Variants in DNAH17 observed in about 807,000 individuals in gnomAD.
The protein encoded by DNAH17 is axonemal beta dynein heavy chain 17.
DNAH17 carries 376 observed loss-of-function variants against 485.6 expected under a neutral mutation model. That is an observed-to-expected ratio of 0.77 (90% CI 0.71 to 0.84). DNAH17 has a LOEUF of 0.84. Ranked by LOEUF, DNAH17 falls within the 40% of genes least tolerant of loss-of-function variation. The pLI, the probability that DNAH17 is intolerant of heterozygous loss-of-function variation, is 0.00. For missense variants in DNAH17, 6,370 were observed against 5,839.3 expected (o/e 1.09, Z -2.96); for synonymous variants, 3,031 against 2,405.9 (o/e 1.26, Z -7.60).
At chr17:78,508,958 T>C (rs1285915358) in intron 27 of DNAH17, among the ~76,000 whole-genome samples, 2 of 139,112 alleles carry the variant, frequency 1.4e-5, no homozygotes, top group East Asian at 2.1e-4. Flanking sequence ...TGTGTCATCA[T>C]GTGCCCAGCT....
At chr17:78,443,323 C>T (rs2087145344) in intron 71 of DNAH17, among the ~76,000 whole-genome samples, 1 of 152,150 alleles carries the variant, frequency 6.6e-6, no homozygotes, top group Non-Finnish European at 1.5e-5. Context: ...TTTACCTTGG[C>T]CTTTCCCAAA....
intron 38 of DNAH17, among the ~76,000 whole-genome samples, 154 bp from the exon 39 acceptor site, chr17:78,495,251 C>G (rs191357644): frequency 1.3e-5 from 2 of 152,120 alleles, no homozygotes; most frequent in African/African-American, 4.8e-5. Flanking sequence ...GCTCCCAGCC[C>G]GCCTGCTCCC....
At position 78,486,963 on chromosome 17, in the gene DNAH17, C is replaced by G. The variant is rs188775899; in HGVS notation, c.6819-457G>C. ...CATCATCTGGACTCCTGAATCCAGC[C>G]ATGCCTGAAGCACCCCTTGGTGCTT... On this transcript the variant is annotated intron_variant, in intron 44 of 80. Coordinates refer to ENST00000389840, the MANE Select transcript of DNAH17 (RefSeq NM_173628.4). Among the ~76,000 whole-genome samples the G allele has an allele frequency of 8.3e-4, 124 of 149,400 alleles. 2 individuals carry two copies. The highest frequency in any genetic ancestry group is 2.8e-4 in the Non-Finnish European group (19 of 67,746).
intron 50 of DNAH17, 93 bp downstream of exon 50, chr17:78,479,392 T>C: frequency 7.3e-7 from 1 of 1,377,428 alleles, no homozygotes; most frequent in South Asian, 1.5e-5. Context: ...GAATTATAAA[T>C]AAAATATTTA....
intron 58 of DNAH17, among the ~76,000 whole-genome samples, chr17:78,461,179 C>A (rs2088105059): frequency 6.6e-6 from 1 of 152,184 alleles, no homozygotes; most frequent in Non-Finnish European, 1.5e-5. Flanking sequence ...TTCTCAACCC[C>A]TCCCATGCTC....
chr17:78,495,161 G>C, intron 38 of DNAH17, 64 bp from the exon 39 acceptor site: 1 of 1,505,354 alleles, frequency 6.6e-7, no homozygotes, highest in Non-Finnish European at 8.9e-7. Context: ...ACCCCTGCCT[G>C]TCCCTCTTCA....
intron 2 of DNAH17, 122 bp downstream of exon 2, chr17:78,574,591 T>C (rs1334489976): frequency 6.0e-6 from 5 of 836,966 alleles, no homozygotes; most frequent in Non-Finnish European, 9.1e-6. Flanking sequence ...GCATTTCCAA[T>C]CCCTCCCCGG....
intron 16 of DNAH17, among the ~76,000 whole-genome samples, chr17:78,549,970 C>T (rs553164727): frequency 6.6e-6 from 1 of 152,140 alleles, no homozygotes. Flanking sequence ...GTGAGCATTG[C>T]AGGTAACAGA....
At chr17:78,486,970 G>GAA (rs2089637520) in intron 44 of DNAH17, among the ~76,000 whole-genome samples, 1 of 146,724 alleles carries the variant, frequency 6.8e-6, no homozygotes, top group Admixed American at 6.8e-5. Flanking sequence ...AGCCATGCCT[G>GAA]AAGCACCCCT....
intron 37 of DNAH17, chr17:78,497,053 C>T (rs574968889): frequency 6.6e-6 from 1 of 152,362 alleles, no homozygotes; most frequent in South Asian, 2.1e-4. Context: ...ATTTCAACAC[C>T]TTGTCCCTGC....
chr17:78,426,084 A>G (rs2086444841), intron 79 of DNAH17, among the ~76,000 whole-genome samples: 1 of 152,156 alleles, frequency 6.6e-6, no homozygotes, highest in Non-Finnish European at 1.5e-5. Context: ...CATTTTAAAC[A>G]AGGGAACAGG....
intron 2 of DNAH17, among the ~76,000 whole-genome samples, chr17:78,573,748 GGA>G (rs1033467365): frequency 4.0e-4 from 61 of 152,264 alleles, no homozygotes; most frequent in African/African-American, 1.2e-3. Context: ...TGCAAGTCAA[GGA>G]GAGAGGCCTT....
At chr17:78,458,751 G>T in intron 61 of DNAH17, 71 bp from the exon 62 acceptor site, 1 of 1,390,232 alleles carries the variant, frequency 7.2e-7, no homozygotes, top group Non-Finnish European at 1.0e-6. Flanking sequence ...GCGGCAGCAG[G>T]GCTGGGCCCT....
intron 17 of DNAH17, among the ~76,000 whole-genome samples, chr17:78,541,369 A>G (rs183747129): frequency 7.0e-6 from 1 of 143,044 alleles, no homozygotes; most frequent in Non-Finnish European, 1.5e-5. Flanking sequence ...TGGTGGGTAG[A>G]TGTGTAAGTG....
intron 42 of DNAH17, 96 bp from the exon 43 acceptor site, chr17:78,491,666 C>G (rs944897348): frequency 4.0e-6 from 6 of 1,487,218 alleles, no homozygotes; most frequent in Non-Finnish European, 5.4e-6. Context: ...TGGGAGGGAG[C>G]CTGTCCCCTA....
At position 78,426,468 on chromosome 17, in the gene DNAH17, G is replaced by A. The variant is rs775939263; in HGVS notation, c.12904C>T (p.Leu4302Phe). ...AAAACGGCACTTACCCTGATGCGGA[G>A]CAGCAGGTCTGCGTACCAGGCCGCC... is the stretch of plus-strand genomic sequence containing the variant. ...GLAAWYADLL[L>F]RIRELEAWTT... Residue 4302 changes from leucine (L) to phenylalanine (F), a missense_variant, in exon 79 of 81, where the codon CTC becomes TTC. Coordinates refer to ENST00000389840, the MANE Select transcript of DNAH17 (RefSeq NM_173628.4). 2.5e-6 allele frequency: 4 copies of A among 1,604,044 alleles called. No homozygotes were observed. Among genetic ancestry groups the A allele is most frequent in the Non-Finnish European group, 3.4e-6 (4 of 1,175,966 alleles).
In DNAH17 at chr17:78,480,755, T is replaced by C. The variant is rs1477100918; in HGVS notation, c.7681A>G (p.Ile2561Val). The C allele has an allele frequency of 1.2e-5, 19 of 1,613,636 alleles. No individual in the cohort carries two copies. The highest frequency in any genetic ancestry group is 1.6e-5 in the Non-Finnish European group (19 of 1,179,830). ...YDRHKLTLKD[I>V]HNCQYVACMN... ...CAGGCCACGTACTGACAATTATGGA[T>C]ATCTTTTAACGTCAGCTTATGTCTG... Residue 2561 changes from isoleucine to valine, a missense_variant, in exon 49 of 81, where the codon ATC becomes GTC. By Grantham distance (29) the Ile-to-Val change is conservative (BLOSUM62 3). Transcript: ENST00000389840.
chr17:78,515,444 G>T (rs1286558365), intron 25 of DNAH17, among the ~76,000 whole-genome samples: 1 of 152,174 alleles, frequency 6.6e-6, no homozygotes, highest in African/African-American at 2.4e-5. Flanking sequence ...GGGAGACAAG[G>T]GCTGCAGTGA....
intron 75 of DNAH17, among the ~76,000 whole-genome samples, chr17:78,432,768 C>T (rs948127550): frequency 6.6e-6 from 1 of 152,208 alleles, no homozygotes. Context: ...GTTCCTGAGA[C>T]TGGCATTGCC....
Sources: allele counts gnomAD v4.1 joint callset (sites outside exome capture counted in the v4.1 genomes callset), GRCh38; gene constraint gnomAD v4.1.1; transcripts MANE v1.5; gene names NCBI Gene and HGNC (gene_info 2026-07-23, HGNC 2026-07-21).